DAPK1: variants seen among roughly 807,000 people sequenced by gnomAD.
DAPK1 encodes the protein death associated protein kinase 1, also known as death-associated protein kinase 1.
A neutral mutation model predicts 144.9 loss-of-function variants in DAPK1; 56 were observed. The ratio of observed to expected loss-of-function variants is 0.39; its 90% confidence interval spans 0.31 to 0.48. The LOEUF is 0.48. Ranked by LOEUF, DAPK1 falls within the 20% of genes least tolerant of loss-of-function variation. DAPK1 has a pLI of 0.95. For synonymous variants in DAPK1, 690 were observed against 749.0 expected (o/e 0.92, Z 1.29); for missense variants, 1,454 against 1,875.4 (o/e 0.78, Z 4.15).
chr9:87,543,103 T>G (rs986552307), intron 2 of DAPK1, among the ~76,000 whole-genome samples: 4 of 152,184 alleles, frequency 2.6e-5, no homozygotes, highest in Non-Finnish European at 1.5e-5. Flanking sequence ...ATAGAGCAAG[T>G]TAGAGAATGT....
intron 2 of DAPK1, among the ~76,000 whole-genome samples, chr9:87,506,603 G>A (rs192713067): frequency 1.3e-5 from 2 of 152,224 alleles, no homozygotes; most frequent in African/African-American, 2.4e-5. Context: ...ATTTCCTTAC[G>A]CAACAACTAG....
rs11291160 is a variant in DAPK1, at chr9:87,548,913, C to CTTTTTTT, written c.62+49795_62+49801dup. 2.2e-4 allele frequency among the ~76,000 whole-genome samples: 14 copies of CTTTTTTT among 63,872 alleles called. 1 individual carries two copies. The highest frequency in any genetic ancestry group is 8.6e-4 in the East Asian group (1 of 1,164). The allele number at this position is 63,872 out of a possible 152,430, so 41.9% of individuals were successfully genotyped here. A position where few individuals can be genotyped will look rare whatever the true frequency, so the allele number is the denominator to read the frequency against. On this transcript the variant is annotated intron_variant, in intron 2 of 25. Coordinates refer to ENST00000408954, the MANE Select transcript of DAPK1 (RefSeq NM_004938.4). ...ACCACCCACTGAGTGGATTTCATTC[C>CTTTTTTT]TTTTTTTTTTTTTTTTTTTTTTTTT...
chr9:87,537,794 G>A (rs1022863786), intron 2 of DAPK1, among the ~76,000 whole-genome samples: 7 of 152,130 alleles, frequency 4.6e-5, no homozygotes, highest in Non-Finnish European at 1.0e-4. Context: ...GAAAATCTTG[G>A]TAAGGACCAG....
In DAPK1 at chr9:87,635,471, GA is replaced by G. The variant is rs1260227743; in HGVS notation, c.285-2470del. Among the ~76,000 whole-genome samples, 8 of 152,296 alleles carry G rather than the reference GA, an allele frequency of 5.3e-5. No homozygotes were observed. The South Asian group carries it at 6.2e-4, about 12-fold the overall frequency. ...GCGGCTGGGCACCACATTCACAGCA[GA>G]AGTTTCAGTTCCTTCCCCTCACCTT... On this transcript the variant is annotated intron_variant, in intron 3 of 25. Transcript: ENST00000408954.
At chr9:87,551,638 A>G (rs757927690) in intron 2 of DAPK1, among the ~76,000 whole-genome samples, 1 of 152,168 alleles carries the variant, frequency 6.6e-6, no homozygotes, top group Non-Finnish European at 1.5e-5. Context: ...GAGAGAAGGG[A>G]TCCAGGGACC....
chr9:87,497,571 G>A (rs1824209693), upstream of DAPK1: 1 of 154,222 alleles, frequency 6.5e-6, no homozygotes, highest in African/African-American at 2.4e-5. Flanking sequence ...CCAGTCAGAG[G>A]GCAGCTTAGC....
rs3118847 is a variant in DAPK1 at position 87,663,717 on chromosome 9, T to C, written c.1924-4880T>C. 8.3e-3 allele frequency among the ~76,000 whole-genome samples: 1,262 copies of C among 152,202 alleles called. 7 individuals are homozygous for C. The highest frequency in any genetic ancestry group is 0.014 in the Non-Finnish European group (940 of 67,992). On this transcript the variant is annotated intron_variant, in intron 18 of 25. Transcript: ENST00000408954. The stretch of plus-strand genomic sequence containing the variant: ...GGCCCATGCTCAGGTCTCTGGTCCC[T>C]GCTTGCCCCTGAGTGCCAGCCTCAC...
intron 2 of DAPK1, among the ~76,000 whole-genome samples, chr9:87,562,920 C>CT (rs1826983893): frequency 6.6e-6 from 1 of 152,126 alleles, no homozygotes; most frequent in Admixed American, 6.6e-5. Flanking sequence ...ACTTGCTCAG[C>CT]TTTTTTATAG....
At chr9:87,684,993 C>T (rs1296614857) in intron 20 of DAPK1, among the ~76,000 whole-genome samples, 1 of 152,220 alleles carries the variant, frequency 6.6e-6, no homozygotes, top group Non-Finnish European at 1.5e-5. Flanking sequence ...TCCTGACAGG[C>T]AGGCACCCAG....
intron 2 of DAPK1, among the ~76,000 whole-genome samples, chr9:87,567,663 T>C (rs1827177436): frequency 6.6e-6 from 1 of 152,102 alleles, no homozygotes; most frequent in Admixed American, 6.6e-5. Flanking sequence ...GTAGGAGCCC[T>C]TGTTAGGATT....
chr9:87,683,131 G>A (rs1403155273), intron 20 of DAPK1, among the ~76,000 whole-genome samples: 4 of 150,060 alleles, frequency 2.7e-5, no homozygotes, highest in Admixed American at 2.6e-4. Flanking sequence ...TGCCCAGGCT[G>A]GAGTGCAGTG....
chr9:87,660,786 A>T (rs558694425), intron 18 of DAPK1, among the ~76,000 whole-genome samples: 5 of 152,110 alleles, frequency 3.3e-5, no homozygotes, highest in African/African-American at 1.2e-4. Context: ...CTCCATTTCC[A>T]TCCATGTTGC....
chr9:87,639,703 G>C lies in DAPK1; in HGVS notation c.602+5G>C. ...TGGTCTTGAGGCAGATATGTGGTAA[G>C]GAGTATGTCCTTGGTGTTGTTTGCT... On this transcript the variant is annotated splice_donor_5th_base_variant and intron_variant, in intron 6 of 25. Transcript: ENST00000408954. The C allele has an allele frequency of 6.2e-7, 1 of 1,613,988 alleles. No individual in the cohort carries two copies. Among genetic ancestry groups the C allele is most frequent in the Non-Finnish European group, 8.5e-7 (1 of 1,179,894 alleles).
At chr9:87,640,171 A>T in intron 7 of DAPK1, 127 bp from the exon 8 acceptor site, 1 of 970,698 alleles carries the variant, frequency 1.0e-6, no homozygotes, top group Non-Finnish European at 1.5e-6. Flanking sequence ...CCTATGAAAT[A>T]TAATCAAACT....
chr9:87,674,629 A>G (rs1283453030), intron 19 of DAPK1, among the ~76,000 whole-genome samples: 1 of 152,104 alleles, frequency 6.6e-6, no homozygotes, highest in Non-Finnish European at 1.5e-5. Context: ...GGAGTTGCCC[A>G]GATTGAAAAA....
intron 2 of DAPK1, among the ~76,000 whole-genome samples, chr9:87,518,109 T>TTG (rs1825142352): frequency 1.5e-4 from 5 of 34,464 alleles, no homozygotes; most frequent in South Asian, 2.0e-3. Context: ...GTTGTTGTTT[T>TTG]TTTTTTTTTT....
rs1826271597 is a variant in DAPK1, at chr9:87,546,905, C to A, written c.62+47766C>A. On this transcript the variant is annotated intron_variant, in intron 2 of 25. Transcript: ENST00000408954. ...GGTACAGTGACTCATGCCTGTAGTC[C>A]CAGCACTTTGGGAGGCTGAGGTGGG... 2.6e-5 allele frequency among the ~76,000 whole-genome samples: 4 copies of A among 152,200 alleles called. No individual in the cohort carries two copies. In the South Asian group the frequency reaches 8.3e-4, roughly 32 times the overall value.
intron 2 of DAPK1, among the ~76,000 whole-genome samples, chr9:87,570,930 A>T (rs1827306448): frequency 6.6e-6 from 1 of 152,170 alleles, no homozygotes; most frequent in Non-Finnish European, 1.5e-5. Context: ...TGTGCTGATA[A>T]GAGAAGAATA....
rs902595146 is a variant in DAPK1 at position 87,703,134 on chromosome 9, T to C, written c.2977T>C (p.Tyr993His). 3.7e-6 allele frequency: 6 copies of C among 1,609,252 alleles called. No homozygotes were observed. The highest frequency in any genetic ancestry group is 1.7e-4 in the Middle Eastern group (1 of 6,056). The change falls in exon 25 of 26, where the codon TAC becomes CAC. Residue 993 changes from tyrosine to histidine, a missense_variant. By Grantham distance (83) the Tyr-to-His change is moderately conservative (BLOSUM62 2). Coordinates refer to ENST00000408954, the MANE Select transcript of DAPK1 (RefSeq NM_004938.4). ...NQLMSLQQFV[Y>H]DVQDQLNPLA... ...GCTGATGTCGCTGCAGCAGTTTGTG[T>C]ACGACGTGCAGGACCAGCTGAACCC...
Sources: gnomAD v4.1 joint callset for allele counts (sites outside exome capture counted in the v4.1 genomes callset) on GRCh38, gnomAD v4.1.1 for gene constraint, MANE v1.5 for transcripts, NCBI Gene and HGNC (gene_info 2026-07-23, HGNC 2026-07-21) for gene names.